Variants in MYH15 observed in about 807,000 individuals in gnomAD.
MYH15 encodes the protein myosin-15.
MYH15 carries 227 observed loss-of-function variants against 240.5 expected under a neutral mutation model. The ratio of observed to expected loss-of-function variants is 0.94; its 90% confidence interval spans 0.85 to 1.05. MYH15 has a LOEUF of 1.05. Ranked by LOEUF, MYH15 falls within the 50% of genes least tolerant of loss-of-function variation. The pLI is 0.00. For missense variants in MYH15, 2,217 were observed against 2,247.5 expected (o/e 0.99, Z 0.27); for synonymous variants, 785 against 796.7 (o/e 0.99, Z 0.25).
chr3:108,433,655 T>C (rs1028208653), intron 25 of MYH15, among the ~76,000 whole-genome samples: 9 of 152,218 alleles, frequency 5.9e-5, no homozygotes, highest in Admixed American at 1.3e-4. Flanking sequence ...TCTTGAGATC[T>C]GATGGTTTTA....
chr3:108,482,128 G>C (rs1204983096), intron 11 of MYH15, among the ~76,000 whole-genome samples: 1 of 152,182 alleles, frequency 6.6e-6, no homozygotes, highest in South Asian at 2.1e-4. Context: ...TTCAAAGGTA[G>C]AGACAATGAA....
At chr3:108,403,612 G>C (rs534824627) in intron 33 of MYH15, among the ~76,000 whole-genome samples, 2 of 151,470 alleles carry the variant, frequency 1.3e-5, no homozygotes, top group Non-Finnish European at 1.5e-5. Context: ...TCTGTGCTCA[G>C]AGCAGAAAGG....
At chr3:108,444,551 A>ATTTTTT in intron 22 of MYH15, 89 bp downstream of exon 22, 6 of 1,443,276 alleles carry the variant, frequency 4.2e-6, no homozygotes, top group Admixed American at 2.1e-5. Flanking sequence ...ACATGCATCT[A>ATTTTTT]TTTTTTTGTT....
chr3:108,380,830 T>C lies in MYH15; in HGVS notation c.*715A>G, dbSNP rs950104184. The C allele has an allele frequency of 3.3e-5, 5 of 152,490 alleles. No individual in the cohort carries two copies. Among genetic ancestry groups the C allele is most frequent in the Admixed American group, 1.3e-4 (2 of 15,294 alleles). The allele number at this position is 152,490 out of a possible 1,614,324, so 9.4% of individuals were successfully genotyped here. ...TAATGCAAATTTCTTTATGACCTAC[T>C]CCAATCCAGAACCATGAGAGAGAGG... On this transcript the variant is annotated 3_prime_UTR_variant, in exon 41 of 41. Transcript: ENST00000693548.
chr3:108,391,842 G>A lies in MYH15; in HGVS notation c.5348C>T (p.Thr1783Ile), dbSNP rs2082424694. The A allele has an allele frequency of 6.2e-6, 10 of 1,613,976 alleles. No homozygotes were observed. The highest frequency in any genetic ancestry group is 1.3e-5 in the African/African-American group (1 of 74,900). ...TTCAGCCAGCCTTTTCTGTAAGTCT[G>A]TAATTGTCTGCTCCATATTTTCTCT... is the stretch of plus-strand genomic sequence containing the variant. ...RTRENMEQTI[T>I]DLQKRLAEAE... Residue 1783 changes from threonine to isoleucine, a missense_variant, in exon 37 of 41, where the codon ACA (threonine) becomes ATA (isoleucine). By Grantham distance (89) the Thr-to-Ile change is moderately conservative (BLOSUM62 -1). Coordinates refer to ENST00000693548, the MANE Select transcript of MYH15 (RefSeq NM_014981.3).
rs768884846 is a variant in MYH15, at chr3:108,391,814, A to G, written c.5376T>C (p.Ala1792=). 2 of 1,614,092 alleles carry G rather than the reference A, an allele frequency of 1.2e-6. No individual in the cohort carries two copies. Among genetic ancestry groups the G allele is most frequent in the Non-Finnish European group, 1.7e-6 (2 of 1,179,994 alleles). Residue 1792 remains alanine, a synonymous_variant, in exon 37 of 41, where the codon GCT becomes GCC. Coordinates refer to ENST00000693548, the MANE Select transcript of MYH15 (RefSeq NM_014981.3). The part of the protein sequence containing the change: ...ITDLQKRLAE[A]EQMALMGSRK... ...TACTCCCCATCAGGGCCATCTGTTCAGCTTCAGCCAGCCTTTTCTGTAAGT... is the reference window on the plus strand; with the variant it reads ...TACTCCCCATCAGGGCCATCTGTTCGGCTTCAGCCAGCCTTTTCTGTAAGT...
At chr3:108,403,477 C>T (rs1157328839) in intron 33 of MYH15, among the ~76,000 whole-genome samples, 3 of 145,258 alleles carry the variant, frequency 2.1e-5, no homozygotes, top group Non-Finnish European at 3.0e-5. Context: ...TCGTTGATTG[C>T]TTGGAATCTT....
chr3:108,522,523 T>C (rs959069021), intron 1 of MYH15, among the ~76,000 whole-genome samples: 1 of 152,088 alleles, frequency 6.6e-6, no homozygotes, highest in Admixed American at 6.6e-5. Context: ...TTGAATTCCA[T>C]AGAATCTATG....
the MYH15 span, among the ~76,000 whole-genome samples, chr3:108,547,288 G>C: frequency 6.6e-6 from 1 of 152,154 alleles, no homozygotes; most frequent in East Asian, 1.9e-4. Context: ...GGCATGAGCA[G>C]TGACCAAGTT....
At chr3:108,527,460 A>G (rs2083681405) in intron 1 of MYH15, among the ~76,000 whole-genome samples, 1 of 151,786 alleles carries the variant, frequency 6.6e-6, no homozygotes, top group Non-Finnish European at 1.5e-5. Context: ...CTCATTGTAA[A>G]GGACTCTCAG....
upstream of MYH15, among the ~76,000 whole-genome samples, chr3:108,514,993 T>C (rs929210483): frequency 1.6e-4 from 24 of 152,196 alleles, no homozygotes; most frequent in African/African-American, 5.5e-4. Context: ...TGATAATTAA[T>C]TGTATAATTA....
At chr3:108,417,199 T>C (rs899095365) in intron 28 of MYH15, among the ~76,000 whole-genome samples, 1 of 152,150 alleles carries the variant, frequency 6.6e-6, no homozygotes, top group African/African-American at 2.4e-5. Flanking sequence ...GAGAAACTTC[T>C]ATGCTCTAGG....
chr3:108,467,090 G>A (rs545104111), intron 14 of MYH15, among the ~76,000 whole-genome samples: 9 of 151,926 alleles, frequency 5.9e-5, no homozygotes, highest in Admixed American at 2.0e-4. Context: ...AGTAGGTTCC[G>A]AGGTAACTAA....
At chr3:108,488,350 C>A (rs1182276989) in intron 9 of MYH15, among the ~76,000 whole-genome samples, 2 of 152,144 alleles carry the variant, frequency 1.3e-5, no homozygotes, top group Non-Finnish European at 1.5e-5. Context: ...TTCTGTCACC[C>A]AAGCTAAGGT....
chr3:108,416,719 T>C, intron 29 of MYH15, 93 bp downstream of exon 29: 3 of 1,094,730 alleles, frequency 2.7e-6, no homozygotes, highest in South Asian at 3.0e-5. Context: ...CTTCTTCTTT[T>C]ACAAAACATC....
chr3:108,476,896 C>T (rs970910821), intron 11 of MYH15, among the ~76,000 whole-genome samples: 8 of 151,996 alleles, frequency 5.3e-5, no homozygotes, highest in Non-Finnish European at 1.0e-4. Flanking sequence ...GTGTATTTGC[C>T]GTGAGAAACA....
chr3:108,518,700 T>C (rs955257972), intron 1 of MYH15, among the ~76,000 whole-genome samples: 1 of 152,184 alleles, frequency 6.6e-6, no homozygotes, highest in Non-Finnish European at 1.5e-5. Flanking sequence ...TCACACGTCA[T>C]GTGACCCCTG....
At chr3:108,418,738 TCTC>T (rs376108307) in intron 28 of MYH15, among the ~76,000 whole-genome samples, 16 of 122,640 alleles carry the variant, frequency 1.3e-4, no homozygotes, top group African/African-American at 4.6e-4. Context: ...TTCAAGCGAT[TCTC>T]CTGTCTCAGC....
chr3:108,392,047 G>T, intron 36 of MYH15, 117 bp from the exon 37 acceptor site: 1 of 1,105,012 alleles, frequency 9.0e-7, no homozygotes, highest in Non-Finnish European at 1.3e-6. Flanking sequence ...CTATGTATGT[G>T]ATCTCTTCCC....
Sources: gnomAD v4.1 joint callset for allele counts (sites outside exome capture counted in the v4.1 genomes callset) on GRCh38, gnomAD v4.1.1 for gene constraint, MANE v1.5 for transcripts, NCBI Gene and HGNC (gene_info 2026-07-23, HGNC 2026-07-21) for gene names.